The following ZNF385D variants were observed in gnomAD, a reference collection of about 807,000 sequenced individuals.
ZNF385D encodes the protein zinc finger protein 659.
In ZNF385D, 15 loss-of-function variants were observed where a neutral mutation model predicts 35.8. The ratio of observed to expected loss-of-function variants is 0.42; its 90% CI spans 0.28 to 0.64. The LOEUF (loss-of-function observed/expected upper bound fraction) is 0.64, where lower values mean the gene tolerates loss of function less well. ZNF385D is among the 30% of genes least tolerant of loss of function. The pLI, the probability that ZNF385D is intolerant of heterozygous loss-of-function variation, is 0.23. For synonymous variants in ZNF385D, 212 were observed against 186.8 expected (o/e 1.13, Z -1.10); for missense variants, 474 against 494.6 (o/e 0.96, Z 0.39).
intron 3 of ZNF385D, among the ~76,000 whole-genome samples, chr3:21,511,323 C>T (rs1707184452): frequency 6.6e-6 from 1 of 152,122 alleles, no homozygotes; most frequent in African/African-American, 2.4e-5. Context: ...AGAATTTACA[C>T]CTGTATCATC....
intron 4 of ZNF385D, among the ~76,000 whole-genome samples, chr3:21,446,513 A>ATTT: frequency 4.4e-5 from 1 of 22,496 alleles, no homozygotes; most frequent in Non-Finnish European, 8.6e-5. Context: ...TTTTTTTTTG[A>ATTT]GACAGAGTCT....
chr3:21,925,923 C>A (rs1433355102), intron 3 of ZNF385D, among the ~76,000 whole-genome samples: 3 of 152,122 alleles, frequency 2.0e-5, no homozygotes, highest in Non-Finnish European at 4.4e-5. Flanking sequence ...TAATACCACA[C>A]TGAGCTATTA....
chr3:22,105,198 A>G (rs1702142490), intron 3 of ZNF385D, among the ~76,000 whole-genome samples: 1 of 152,084 alleles, frequency 6.6e-6, no homozygotes, highest in South Asian at 2.1e-4. Flanking sequence ...GTATATCAGA[A>G]CCATAAAATA....
At chr3:22,149,430 G>T (rs1705082422) in intron 3 of ZNF385D, among the ~76,000 whole-genome samples, 1 of 152,098 alleles carries the variant, frequency 6.6e-6, no homozygotes, top group South Asian at 2.1e-4. Flanking sequence ...ACTACATAGG[G>T]CAGTGATTCT....
chr3:21,507,090 T>C (rs978976559), intron 4 of ZNF385D, among the ~76,000 whole-genome samples: 2 of 152,190 alleles, frequency 1.3e-5, no homozygotes, highest in Admixed American at 1.3e-4. Context: ...ATAAATAATA[T>C]ATGACTTGAA....
upstream of ZNF385D, chr3:21,751,385 A>G: frequency 9.8e-7 from 1 of 1,019,634 alleles, no homozygotes; most frequent in Non-Finnish European, 1.2e-6. Context: ...TCTTAAAGCG[A>G]GAAGAGTGTC....
At chr3:22,337,302 T>A (rs891782460) in intron 2 of ZNF385D, among the ~76,000 whole-genome samples, 3 of 151,902 alleles carry the variant, frequency 2.0e-5, no homozygotes, top group African/African-American at 7.3e-5. Context: ...AAGGTCGAGG[T>A]GGGGGCAGCT....
At chr3:21,492,799 A>ATAAATAAC (rs1379061939) in intron 4 of ZNF385D, among the ~76,000 whole-genome samples, 1 of 151,094 alleles carries the variant, frequency 6.6e-6, no homozygotes, top group African/African-American at 2.4e-5. Context: ...AAATAAATAA[A>ATAAATAAC]TAAATAAATA....
At chr3:22,018,233 A>T (rs1697007257) in intron 3 of ZNF385D, among the ~76,000 whole-genome samples, 1 of 149,838 alleles carries the variant, frequency 6.7e-6, no homozygotes, top group Non-Finnish European at 1.5e-5. Flanking sequence ...TCTAAGAGGG[A>T]TATGTGTTTT....
intron 2 of ZNF385D, among the ~76,000 whole-genome samples, chr3:22,219,740 G>C (rs779849711): frequency 2.0e-4 from 30 of 152,146 alleles, no homozygotes; most frequent in Non-Finnish European, 7.4e-5. Flanking sequence ...TCAAATATGT[G>C]ATTTATACTA....
At chr3:21,800,937 G>T (rs1030338965) in intron 3 of ZNF385D, among the ~76,000 whole-genome samples, 1 of 152,028 alleles carries the variant, frequency 6.6e-6, no homozygotes, top group East Asian at 1.9e-4. Context: ...TAGGAAGAAA[G>T]CTCTTACTCT....
intron 3 of ZNF385D, among the ~76,000 whole-genome samples, chr3:22,098,260 G>A (rs996082515): frequency 6.6e-6 from 1 of 152,058 alleles, no homozygotes; most frequent in African/African-American, 2.4e-5. Flanking sequence ...CCAGAAAACA[G>A]AGGAAGTGAC....
At chr3:21,719,543 A>T (rs2068454065) in intron 1 of ZNF385D, among the ~76,000 whole-genome samples, 1 of 152,190 alleles carries the variant, frequency 6.6e-6, no homozygotes. Context: ...TTTTAATAGT[A>T]AAAAAACACA....
chr3:21,503,364 G>A (rs182065670), intron 4 of ZNF385D, among the ~76,000 whole-genome samples: 64 of 152,228 alleles, frequency 4.2e-4, no homozygotes, highest in Non-Finnish European at 8.1e-4. Flanking sequence ...TGCTGCATTT[G>A]TTTGAACTCT....
intron 2 of ZNF385D, among the ~76,000 whole-genome samples, chr3:22,173,412 A>G (rs1415055540): frequency 6.6e-6 from 1 of 152,136 alleles, no homozygotes; most frequent in Non-Finnish European, 1.5e-5. Context: ...TGGGAGGTCT[A>G]TGGGAACTCT....
Position 21,595,251 on chromosome 3 carries a change from C to T in ZNF385D, c.166-30567G>A, listed in dbSNP as rs556356163. ...AAATGCCTATAGTGGAGTCTTTTCA[C>T]CTTTATTCAGTTCTTTACTTCAACC... On this transcript the variant is annotated intron_variant, in intron 2 of 7. Transcript: ENST00000281523. Among the ~76,000 whole-genome samples, 10 of 152,146 alleles carry T rather than the reference C, an allele frequency of 6.6e-5. No homozygotes were observed. The South Asian group carries it at 8.3e-4, about 13-fold the overall frequency.
At chr3:22,100,006 T>C (rs1017661136) in intron 3 of ZNF385D, among the ~76,000 whole-genome samples, 35 of 151,482 alleles carry the variant, frequency 2.3e-4, no homozygotes, top group African/African-American at 7.5e-4. Flanking sequence ...AACAACCCCA[T>C]CAAAAAGTGG....
intron 3 of ZNF385D, among the ~76,000 whole-genome samples, chr3:22,154,134 C>T (rs927357753): frequency 2.6e-5 from 4 of 152,134 alleles, no homozygotes; most frequent in African/African-American, 7.2e-5. Context: ...CGGGAATATA[C>T]TGGCTGATAT....
chr3:21,748,531 A>G (rs1437304736), intron 1 of ZNF385D, among the ~76,000 whole-genome samples: 2 of 152,090 alleles, frequency 1.3e-5, no homozygotes, highest in East Asian at 3.9e-4. Context: ...GCTCTTCATC[A>G]CGCTCTGCTG....
Sources: gnomAD v4.1 joint callset for allele counts (sites outside exome capture counted in the v4.1 genomes callset) on GRCh38, gnomAD v4.1.1 for gene constraint, MANE v1.5 for transcripts, NCBI Gene and HGNC (gene_info 2026-07-23, HGNC 2026-07-21) for gene names.